The following BRINP1 variants were observed in gnomAD, a reference collection of about 807,000 sequenced individuals.
BRINP1 encodes the protein BMP/retinoic acid inducible neural specific 1.
In BRINP1, 17 loss-of-function variants were observed where a neutral mutation model predicts 72.9. The observed-to-expected ratio is 0.23, with a 90% CI of 0.16 to 0.35. The LOEUF (loss-of-function observed/expected upper bound fraction) is 0.35, where lower values mean the gene tolerates loss of function less well. BRINP1 is among the 10% of genes least tolerant of loss of function. The pLI, the probability that BRINP1 is intolerant of heterozygous loss-of-function variation, is 1.00. For synonymous variants in BRINP1, 418 were observed against 378.5 expected (o/e 1.10, Z -1.21); for missense variants, 850 against 1,001.6 (o/e 0.85, Z 2.04).
At chr9:119,318,843 G>T (rs924158389) in intron 1 of BRINP1, among the ~76,000 whole-genome samples, 191 of 118,462 alleles carry the variant, frequency 1.6e-3, no homozygotes, top group African/African-American at 5.4e-3. Flanking sequence ...GAAATGTGTG[G>T]GGTGTGTGTG....
chr9:119,199,476 A>T (rs1196345676), intron 7 of BRINP1, among the ~76,000 whole-genome samples: 1 of 152,284 alleles, frequency 6.6e-6, no homozygotes, highest in South Asian at 2.1e-4. Flanking sequence ...TGATGCCCCC[A>T]AGAGATTTTC....
intron 7 of BRINP1, among the ~76,000 whole-genome samples, chr9:119,172,147 G>T (rs1438999279): frequency 1.3e-5 from 2 of 151,668 alleles, no homozygotes; most frequent in Non-Finnish European, 1.5e-5. Context: ...CAGAACTGAA[G>T]GAAATAGAGA....
chr9:119,339,160 T>C (rs1007582530), intron 1 of BRINP1, among the ~76,000 whole-genome samples: 2 of 152,246 alleles, frequency 1.3e-5, no homozygotes, highest in African/African-American at 4.8e-5. Context: ...TTAGGCTTTA[T>C]GGGCCACAGT....
chr9:119,221,155 G>A (rs1473079753), intron 5 of BRINP1, among the ~76,000 whole-genome samples: 2 of 152,102 alleles, frequency 1.3e-5, no homozygotes, highest in Admixed American at 6.6e-5. Flanking sequence ...GTATCAGAAT[G>A]TGCCCCCTGT....
At chr9:119,282,539 G>T (rs996638889) in intron 2 of BRINP1, among the ~76,000 whole-genome samples, 6 of 152,032 alleles carry the variant, frequency 3.9e-5, no homozygotes, top group African/African-American at 1.4e-4. Flanking sequence ...AAAGAGAAGA[G>T]TAATAAGGAG....
At chr9:119,311,661 A>G (rs925097591) in intron 2 of BRINP1, among the ~76,000 whole-genome samples, 1 of 152,210 alleles carries the variant, frequency 6.6e-6, no homozygotes, top group African/African-American at 2.4e-5. Flanking sequence ...ATGTCACAAG[A>G]CCAGTGCGTG....
chr9:119,331,970 T>G (rs79556952), intron 1 of BRINP1, among the ~76,000 whole-genome samples: 3,739 of 152,306 alleles, frequency 0.025, 146 homozygotes, highest in African/African-American at 0.085. Flanking sequence ...AGCCACTATC[T>G]GAGCTGGGGA....
chr9:119,348,089 C>T (rs2119029991), intron 1 of BRINP1, among the ~76,000 whole-genome samples: 1 of 152,264 alleles, frequency 6.6e-6, no homozygotes, highest in South Asian at 2.1e-4. Flanking sequence ...AGAATACATA[C>T]ACCACCCTAA....
chr9:119,346,222 G>A (rs1407234028), intron 1 of BRINP1, among the ~76,000 whole-genome samples: 2 of 152,140 alleles, frequency 1.3e-5, no homozygotes, highest in Admixed American at 1.3e-4. Flanking sequence ...ACATTACCAA[G>A]ATATTACAGA....
At chr9:119,309,736 C>A (rs10984475) in intron 2 of BRINP1, among the ~76,000 whole-genome samples, 58,942 of 151,886 alleles carry the variant, frequency 0.39, 12,028 homozygotes, top group Non-Finnish European at 0.44. Context: ...ATGAAAAGAT[C>A]ATTGTTTCAT....
At chr9:119,264,972 G>T (rs1267906550) in intron 2 of BRINP1, among the ~76,000 whole-genome samples, 1 of 152,116 alleles carries the variant, frequency 6.6e-6, no homozygotes, top group African/African-American at 2.4e-5. Context: ...CACCCAGCCA[G>T]CCCTGATATC....
chr9:119,330,331 A>G (rs781769047), intron 1 of BRINP1, among the ~76,000 whole-genome samples: 6 of 151,124 alleles, frequency 4.0e-5, no homozygotes, highest in South Asian at 2.1e-4. Context: ...ACCACCATCC[A>G]CTCCCCCATG....
intron 4 of BRINP1, among the ~76,000 whole-genome samples, chr9:119,240,023 C>A (rs1316626337): frequency 6.6e-6 from 1 of 152,062 alleles, no homozygotes; most frequent in Non-Finnish European, 1.5e-5. Flanking sequence ...GTAATCCCAG[C>A]ACTTTGGGAG....
rs552347809 is a variant in BRINP1, at chr9:119,357,187, G to C, written c.-51+11869C>G. Among the ~76,000 whole-genome samples the C allele has an allele frequency of 4.5e-4, 69 of 152,316 alleles. 1 individual carries two copies. Among genetic ancestry groups the C allele is most frequent in the South Asian group, 1.0e-3 (5 of 4,832 alleles). On this transcript the variant is annotated intron_variant, in intron 1 of 7. Coordinates refer to ENST00000265922, the MANE Select transcript of BRINP1 (RefSeq NM_014618.3). The stretch of plus-strand genomic sequence containing the variant: ...GCTTTGGACATTTTCTGGTATATCA[G>C]CTGCTCTTCTACCTGTTCTCAACCA...
At chr9:119,223,824 G>A (rs1830064782) in intron 5 of BRINP1, among the ~76,000 whole-genome samples, 1 of 152,034 alleles carries the variant, frequency 6.6e-6, no homozygotes, top group Non-Finnish European at 1.5e-5. Context: ...TTACAGACAT[G>A]TGCTCAGAAA....
chr9:119,292,864 G>A (rs143962325), intron 2 of BRINP1, among the ~76,000 whole-genome samples: 1 of 152,300 alleles, frequency 6.6e-6, no homozygotes, highest in African/African-American at 2.4e-5. Flanking sequence ...AAGATCAGAT[G>A]TTTAGATAAG....
intron 2 of BRINP1, among the ~76,000 whole-genome samples, chr9:119,278,686 G>A (rs1272245215): frequency 3.3e-5 from 5 of 152,138 alleles, no homozygotes; most frequent in African/African-American, 1.2e-4. Flanking sequence ...TCAAGAGATC[G>A]AGACCATTCT....
intron 2 of BRINP1, among the ~76,000 whole-genome samples, chr9:119,272,158 A>G (rs1050280481): frequency 4.0e-5 from 6 of 150,526 alleles, no homozygotes; most frequent in African/African-American, 1.5e-4. Flanking sequence ...GGCTCAATGC[A>G]ACCTCCGCCT....
At chr9:119,216,077 G>A (rs1209019194) in intron 5 of BRINP1, among the ~76,000 whole-genome samples, 1 of 152,184 alleles carries the variant, frequency 6.6e-6, no homozygotes, top group Non-Finnish European at 1.5e-5. Context: ...TCTTATTTTT[G>A]ATGTGATGAC....
Sources: gnomAD v4.1 joint callset for allele counts (sites outside exome capture counted in the v4.1 genomes callset) on GRCh38, gnomAD v4.1.1 for gene constraint, MANE v1.5 for transcripts, NCBI Gene and HGNC (gene_info 2026-07-23, HGNC 2026-07-21) for gene names.